TNS3: variants seen among roughly 807,000 people sequenced by gnomAD.
TNS3 encodes the protein tensin-3.
TNS3 carries 45 observed loss-of-function variants against 140.9 expected under a neutral mutation model. The ratio of observed to expected loss-of-function variants is 0.32; its 90% confidence interval spans 0.25 to 0.41. TNS3 has a LOEUF of 0.41. TNS3 is among the 10% of genes least tolerant of loss of function. The probability of loss-of-function intolerance (pLI) is 1.00; values close to 1 mark genes in which losing one functional copy is unlikely to be tolerated. For missense variants in TNS3, 1,716 were observed against 1,906.7 expected, an observed-to-expected ratio of 0.90 and a Z score of 1.86; for synonymous variants, 815 against 788.4, an observed-to-expected ratio of 1.03 and a Z score of -0.56.
intron 15 of TNS3, among the ~76,000 whole-genome samples, chr7:47,398,861 A>G (rs1792984766): frequency 6.6e-6 from 1 of 152,156 alleles, no homozygotes; most frequent in Non-Finnish European, 1.5e-5. Flanking sequence ...GGGCACCTAA[A>G]TCGGAAAAGA....
intron 1 of TNS3, among the ~76,000 whole-genome samples, chr7:47,566,628 G>A (rs1416820910): frequency 1.3e-5 from 2 of 152,182 alleles, no homozygotes; most frequent in Non-Finnish European, 2.9e-5. Context: ...TCAGGCAAAG[G>A]CCATCCTTGT....
chr7:47,401,841 T>A (rs1196549462), intron 13 of TNS3, among the ~76,000 whole-genome samples: 2 of 152,224 alleles, frequency 1.3e-5, no homozygotes, highest in Non-Finnish European at 2.9e-5. Context: ...AGTGGCACTT[T>A]CCCAAATCCC....
intron 1 of TNS3, among the ~76,000 whole-genome samples, chr7:47,568,962 C>A (rs1800490293): frequency 6.6e-6 from 1 of 152,246 alleles, no homozygotes; most frequent in Non-Finnish European, 1.5e-5. Flanking sequence ...CCACAGTATT[C>A]ACAGCGTGGC....
chr7:47,294,523 C>A, intron 24 of TNS3, among the ~76,000 whole-genome samples: 1 of 152,226 alleles, frequency 6.6e-6, no homozygotes, highest in Non-Finnish European at 1.5e-5. Flanking sequence ...ATGAGTCCAA[C>A]AGACCTTCAC....
At chr7:47,298,245 T>C (rs889937439) in intron 23 of TNS3, among the ~76,000 whole-genome samples, 2 of 152,186 alleles carry the variant, frequency 1.3e-5, no homozygotes, top group African/African-American at 4.8e-5. Context: ...TGTGGCCAAA[T>C]GGGCCCAGCC....
chr7:47,445,433 A>G (rs1021313410), intron 4 of TNS3, among the ~76,000 whole-genome samples: 5 of 152,218 alleles, frequency 3.3e-5, no homozygotes, highest in African/African-American at 1.2e-4. Flanking sequence ...GTTAAGCTGC[A>G]GTAGCACCTT....
chr7:47,469,300 C>T (rs1203958409), intron 4 of TNS3, among the ~76,000 whole-genome samples: 4 of 152,188 alleles, frequency 2.6e-5, no homozygotes, highest in African/African-American at 9.6e-5. Flanking sequence ...AGTAAACAGA[C>T]ATCCTACAGA....
At chr7:47,515,486 A>G (rs1451654543) in intron 2 of TNS3, among the ~76,000 whole-genome samples, 2 of 152,030 alleles carry the variant, frequency 1.3e-5, no homozygotes, top group African/African-American at 4.8e-5. Flanking sequence ...CCATTCATCA[A>G]CATCGTCACC....
At chr7:47,406,412 TTC>T (rs1371095495) in intron 13 of TNS3, among the ~76,000 whole-genome samples, 2 of 152,190 alleles carry the variant, frequency 1.3e-5, no homozygotes, top group Admixed American at 1.3e-4. Flanking sequence ...TGGCCCTTCC[TTC>T]TCTGTGAACT....
At chr7:47,464,319 A>G (rs543740090) in intron 4 of TNS3, among the ~76,000 whole-genome samples, 1 of 152,282 alleles carries the variant, frequency 6.6e-6, no homozygotes, top group Non-Finnish European at 1.5e-5. Flanking sequence ...ACAGAAGCCA[A>G]TAGTCATCTG....
chr7:47,546,355 G>A lies in TNS3; in HGVS notation c.-264-17208C>T, dbSNP rs149063329. Among the ~76,000 whole-genome samples the A allele has an allele frequency of 3.1e-3, 475 of 152,244 alleles. 5 individuals carry two copies. Among genetic ancestry groups the A allele is most frequent in the African/African-American group, 5.8e-3 (241 of 41,562 alleles). ...CACCGCACAGCAGCACTGCTGTTCC[G>A]GAGCTGGACTGAGCTCCCAGGACCT... On this transcript the variant is annotated intron_variant, in intron 1 of 30. Coordinates refer to ENST00000311160, the MANE Select transcript of TNS3 (RefSeq NM_022748.12).
At chr7:47,436,114 A>G (rs1430741229) in intron 7 of TNS3, among the ~76,000 whole-genome samples, 1 of 152,190 alleles carries the variant, frequency 6.6e-6, no homozygotes, top group Non-Finnish European at 1.5e-5. Flanking sequence ...GACTGTTGGA[A>G]ATTTCAGAAA....
At chr7:47,556,544 C>T (rs1562854636) in intron 1 of TNS3, among the ~76,000 whole-genome samples, 1 of 152,148 alleles carries the variant, frequency 6.6e-6, no homozygotes, top group Admixed American at 6.5e-5. Flanking sequence ...CCCTTAGGCC[C>T]AATCCACAGG....
chr7:47,531,508 G>A (rs1301674582), intron 1 of TNS3, among the ~76,000 whole-genome samples: 4 of 152,194 alleles, frequency 2.6e-5, no homozygotes, highest in Non-Finnish European at 5.9e-5. Context: ...AACAGATGAA[G>A]AGCACCAGAA....
In TNS3 at chr7:47,368,534, C is replaced by CCAA. The variant is rs781632663; in HGVS notation, c.2111_2112insTTG (p.Arg704delinsSerTrp). The CCAA allele has an allele frequency of 1.3e-6, 2 of 1,584,790 alleles. No homozygotes were observed. The highest frequency in any genetic ancestry group is 2.7e-5 in the African/African-American group (2 of 74,438). ...AGGTGGGATCCAGCTCCAGGATCAG[C>CCAA]CTGTTGAGCTGCTCGATGGACTGGT... On this transcript the variant is annotated protein_altering_variant, in exon 17 of 31. Transcript: ENST00000311160.
chr7:47,519,816 C>CTGTT (rs1798904815), intron 2 of TNS3, among the ~76,000 whole-genome samples: 1 of 74,824 alleles, frequency 1.3e-5, no homozygotes, highest in Non-Finnish European at 2.3e-5. Context: ...CCTCACATTT[C>CTGTT]TTTTTTTTTT....
chr7:47,565,448 C>T (rs932884056), intron 1 of TNS3, among the ~76,000 whole-genome samples: 4 of 151,722 alleles, frequency 2.6e-5, no homozygotes, highest in Non-Finnish European at 4.4e-5. Context: ...CTAACTGCAA[C>T]CTCCACCTCC....
In TNS3 at chr7:47,439,528, C is replaced by T. The variant is rs1164976851; in HGVS notation, c.109G>A (p.Val37Ile). The change falls in exon 6 of 31, where the codon GTC (valine) becomes ATC (isoleucine). Residue 37 changes from valine to isoleucine, a missense_variant. Transcript: ENST00000311160. ...TGCTTGGACTTGAGCATGCGCGTGA[C>T]CTCCTGTAGGTTGTGCAGGTAGGAC... The part of the protein sequence containing the change: ...EESYLHNLQE[V>I]TRMLKSKHGD... The T allele has an allele frequency of 3.1e-6, 5 of 1,613,932 alleles. No individual in the cohort carries two copies. The highest frequency in any genetic ancestry group is 4.2e-6 in the Non-Finnish European group (5 of 1,179,986).
intron 9 of TNS3, among the ~76,000 whole-genome samples, chr7:47,427,615 G>GGGCAT (rs1280092878): frequency 1.3e-5 from 2 of 152,214 alleles, no homozygotes; most frequent in Non-Finnish European, 2.9e-5. Flanking sequence ...CCAGAAGGAT[G>GGGCAT]GGCATAGGGC....
Sources: gnomAD v4.1 joint callset for allele counts (sites outside exome capture counted in the v4.1 genomes callset) on GRCh38, gnomAD v4.1.1 for gene constraint, MANE v1.5 for transcripts, NCBI Gene and HGNC (gene_info 2026-07-23, HGNC 2026-07-21) for gene names.